Variants in FBLN1 observed in about 807,000 individuals in gnomAD.
FBLN1 encodes the protein fibulin 1.
Under a neutral mutation model 89.7 loss-of-function variants are expected in FBLN1, and 34 were observed. The ratio of observed to expected loss-of-function variants is 0.38; its 90% CI spans 0.29 to 0.50. The LOEUF is 0.50. Among genes scored for constraint, FBLN1 ranks in the 20% least tolerant of loss-of-function variants. The pLI is 0.92. For synonymous variants in FBLN1, 393 were observed against 391.3 expected, an observed-to-expected ratio of 1.00 and a Z score of -0.05; for missense variants, 777 against 988.1, an observed-to-expected ratio of 0.79 and a Z score of 2.86.
At chr22:45,585,336 C>T (rs995772792) in intron 16 of FBLN1, among the ~76,000 whole-genome samples, 1 of 152,210 alleles carries the variant, frequency 6.6e-6, no homozygotes, top group African/African-American at 2.4e-5. Flanking sequence ...TGAGACCGTC[C>T]ATTGTCCCAG....
intron 14 of FBLN1, among the ~76,000 whole-genome samples, chr22:45,551,567 C>T (rs867965833): frequency 6.6e-6 from 1 of 152,246 alleles, no homozygotes; most frequent in Non-Finnish European, 1.5e-5. Flanking sequence ...CTTTGCGATT[C>T]TCATTGGCTG....
chr22:45,527,955 T>A lies in FBLN1; in HGVS notation c.430T>A (p.Cys144Ser). The A allele has an allele frequency of 6.2e-7, 1 of 1,614,206 alleles. No individual in the cohort carries two copies. Among genetic ancestry groups the A allele is most frequent in the Non-Finnish European group, 8.5e-7 (1 of 1,180,024 alleles). Residue 144 changes from cysteine (C) to serine (S), a missense_variant, in exon 4 of 17, where the codon TGT (cysteine) becomes AGT (serine). Transcript: ENST00000327858. ...GTGTGGACAGGTCTTCCAGGCATGC[T>A]GTGTCAAGAGCCAGGAGACCGGAGA... ...YQCGQVFQAC[C>S]VKSQETGDLD...
chr22:45,567,113 G>A (rs1019880864), intron 14 of FBLN1, among the ~76,000 whole-genome samples: 2 of 152,248 alleles, frequency 1.3e-5, no homozygotes, highest in Admixed American at 6.5e-5. Flanking sequence ...CAGGCAGCCT[G>A]GGCTGGGATC....
At chr22:45,539,640 G>A (rs912942558) in intron 8 of FBLN1, among the ~76,000 whole-genome samples, 2 of 152,228 alleles carry the variant, frequency 1.3e-5, no homozygotes, top group Non-Finnish European at 2.9e-5. Context: ...GAAGCCAAGT[G>A]AACGGGGACC....
At chr22:45,570,319 C>CAAAAAAAAAAAAAAAAAAAAAAAAA (rs761469854) in intron 14 of FBLN1, among the ~76,000 whole-genome samples, 9 of 36,404 alleles carry the variant, frequency 2.5e-4, no homozygotes, top group African/African-American at 3.8e-4. Context: ...GACTCTGTCT[C>CAAAAAAAAAAAAAAAAAAAAAAAAA]AAAAAAAAAA....
chr22:45,569,131 G>A (rs1379718007), intron 14 of FBLN1, among the ~76,000 whole-genome samples: 1 of 152,164 alleles, frequency 6.6e-6, no homozygotes, highest in Non-Finnish European at 1.5e-5. Flanking sequence ...ATGGAACTTT[G>A]ACATCTTTCT....
rs1438924622 is a variant in FBLN1 at position 45,594,724 on chromosome 22, GGATGGATA to G, written c.1973-5575_1973-5568del. On this transcript the variant is annotated intron_variant, in intron 16 of 16. Transcript: ENST00000327858. ...TGGATGGATGGATGGATGGATGGATGGATGGATAGATGGATGGGTGAGTGGATAGATGG... is the reference window on the plus strand; with the variant it reads ...TGGATGGATGGATGGATGGATGGATGGATGGATGGGTGAGTGGATAGATGG... 6.8e-4 allele frequency among the ~76,000 whole-genome samples: 102 copies of G among 150,670 alleles called. No individual in the cohort carries two copies. The South Asian group carries it at 0.011, about 16-fold the overall frequency.
chr22:45,530,745 C>T lies in FBLN1; in HGVS notation c.485-520C>T, dbSNP rs928459249. 6.6e-6 allele frequency among the ~76,000 whole-genome samples: 1 copy of T among 151,600 alleles called. No homozygotes were observed. Among genetic ancestry groups the T allele is most frequent in the African/African-American group, 2.4e-5 (1 of 41,096 alleles). ...AGTCAATGATTACAGGCCTTTGTGT[C>T]TGTGGTCTTTCTGTTATAACTGATC... On this transcript the variant is annotated intron_variant, in intron 4 of 16. Transcript: ENST00000327858. The surrounding 1 kb of genome is among the most constrained non-coding windows in gnomAD (Gnocchi z 5.4).
intron 14 of FBLN1, among the ~76,000 whole-genome samples, chr22:45,566,214 G>A (rs1435862962): frequency 1.3e-5 from 2 of 152,194 alleles, no homozygotes; most frequent in East Asian, 1.9e-4. Context: ...GAAGAGGTGG[G>A]GGAAACCTCT....
Position 45,531,331 on chromosome 22 carries a change from C to T in FBLN1, c.544+7C>T, listed in dbSNP as rs766832452. The T allele has an allele frequency of 2.5e-6, 4 of 1,613,274 alleles. No individual in the cohort carries two copies. Among genetic ancestry groups the T allele is most frequent in the East Asian group, 2.2e-5 (1 of 44,870 alleles). On this transcript the variant is annotated splice_region_variant and intron_variant, in intron 5 of 16. Transcript: ENST00000327858. The surrounding 1 kb of genome is among the most constrained non-coding windows in gnomAD (Gnocchi z 4.9). The stretch of plus-strand genomic sequence containing the variant: ...CTGAATGACCGCTGCCGAGGTGAGA[C>T]TCGGGCGTCTCCCATCAGTTGGTAT...
In FBLN1 at chr22:45,518,796, G is replaced by A. The variant is rs942959653; in HGVS notation, c.185+9G>A. 1.9e-6 allele frequency: 3 copies of A among 1,595,282 alleles called. No homozygotes were observed. The African/African-American group carries it at 4.0e-5, about 21-fold the overall frequency. On this transcript the variant is annotated intron_variant, in intron 2 of 16. Coordinates refer to ENST00000327858, the MANE Select transcript of FBLN1 (RefSeq NM_006486.3). ...GAATCCAAAGAATGCAGGTACGTTT[G>A]CCAGTGGCCACTGTTTCACTGGAAC...
chr22:45,558,492 G>T (rs1419646959), intron 14 of FBLN1: 1 of 161,788 alleles, frequency 6.2e-6, no homozygotes, highest in Non-Finnish European at 1.3e-5. Context: ...AAAGGCTGCA[G>T]CCAGCATCCT....
Position 45,550,461 on chromosome 22 carries a change from C to T in FBLN1, c.1574-31C>T, listed in dbSNP as rs765194415. The T allele has an allele frequency of 3.7e-6, 6 of 1,613,632 alleles. No homozygotes were observed. The highest frequency in any genetic ancestry group is 2.2e-5 in the East Asian group (1 of 44,884). ...TGGGTATGGCTCCTGCAGCCTCTGC[C>T]TTCACTGTGCTGCTGTGGGGTCTCT... On this transcript the variant is annotated intron_variant, in intron 13 of 16. Coordinates refer to ENST00000327858, the MANE Select transcript of FBLN1 (RefSeq NM_006486.3). The surrounding 1 kb of genome is among the most constrained non-coding windows in gnomAD (Gnocchi z 8.4).
chr22:45,504,990 G>C (rs1430297560), intron 1 of FBLN1, among the ~76,000 whole-genome samples: 4 of 152,332 alleles, frequency 2.6e-5, no homozygotes, highest in South Asian at 2.1e-4. Context: ...CTGTATGTAA[G>C]GCCACAAGTG....
chr22:45,562,781 G>A lies in FBLN1; in HGVS notation c.1698-11730G>A, dbSNP rs531191393. On this transcript the variant is annotated intron_variant, in intron 14 of 16. Transcript: ENST00000327858. The surrounding 1 kb of genome is among the most constrained non-coding windows in gnomAD (Gnocchi z 7.8). ...CAGGTGAGTGAGGTGTGCCCTTCGT[G>A]TTGGCTGAATCGGCCAGAGGGGCGG... 1.7e-5 allele frequency: 15 copies of A among 895,750 alleles called. No homozygotes were observed. The East Asian group carries it at 3.1e-4, about 19-fold the overall frequency. 55.5% of individuals were successfully genotyped at this position (895,750 alleles called of 1,614,324 possible).
chr22:45,570,682 G>A (rs981021501), intron 14 of FBLN1, among the ~76,000 whole-genome samples: 10 of 152,150 alleles, frequency 6.6e-5, no homozygotes, highest in African/African-American at 2.4e-4. Flanking sequence ...ATGGGGGAAA[G>A]TACTATACAT....
Position 45,532,785 on chromosome 22 carries a change from C to A in FBLN1, c.545-278C>A. The stretch of plus-strand genomic sequence containing the variant: ...GGCAGTGAGCTCTTCTCTGCTTCGC[C>A]CCTTCCAGGTCCACCCCAGCCTACA... On this transcript the variant is annotated intron_variant, in intron 5 of 16. Transcript: ENST00000327858. The surrounding 1 kb of genome is among the most constrained non-coding windows in gnomAD (Gnocchi z 4.2). The A allele has an allele frequency of 3.7e-6, 2 of 538,666 alleles. No homozygotes were observed. Among genetic ancestry groups the A allele is most frequent in the South Asian group, 4.1e-5 (2 of 49,376 alleles). The allele number at this position is 538,666 out of a possible 1,614,324, so 33.4% of individuals were successfully genotyped here.
In FBLN1 at chr22:45,583,358, G is replaced by A. The variant is rs1036341831; in HGVS notation, c.1972+6250G>A. Among the ~76,000 whole-genome samples the A allele has an allele frequency of 2.6e-5, 4 of 152,100 alleles. No homozygotes were observed. In the East Asian group the frequency reaches 5.8e-4, roughly 22 times the overall value. ...TGGCAGCGATGAAGTCCACATGATC[G>A]AAGGGTGGATGCTTACCTTAGACAG... On this transcript the variant is annotated intron_variant, in intron 16 of 16. Coordinates refer to ENST00000327858, the MANE Select transcript of FBLN1 (RefSeq NM_006486.3). This position sits in a 1 kb window ranked among gnomAD's most constrained non-coding sequence, Gnocchi z 4.5.
At chr22:45,517,354 T>G (rs1569235273) in intron 1 of FBLN1, 3 of 346,814 alleles carry the variant, frequency 8.7e-6, no homozygotes, top group Non-Finnish European at 1.1e-5. Context: ...TAGAATGAGG[T>G]CCAAGTATGT....
Sources: gnomAD v4.1 joint callset for allele counts (sites outside exome capture counted in the v4.1 genomes callset) on GRCh38, gnomAD v4.1.1 for gene constraint, Gnocchi (gnomAD v3.1) non-coding constraint, MANE v1.5 for transcripts, NCBI Gene and HGNC (gene_info 2026-07-23, HGNC 2026-07-21) for gene names.